Variants in LTBP4 observed in about 807,000 individuals in gnomAD.
LTBP4 encodes the protein latent transforming growth factor beta binding protein 4, also known as latent-transforming growth factor beta-binding protein 4.
Under a neutral mutation model 180.2 loss-of-function variants are expected in LTBP4, and 93 were observed. The observed-to-expected ratio is 0.52, with a 90% CI of 0.44 to 0.61. The LOEUF is 0.61. Ranked by LOEUF, LTBP4 falls within the 20% of genes least tolerant of loss-of-function variation. The pLI is 0.00. For synonymous variants in LTBP4, 947 were observed against 934.5 expected (o/e 1.01, Z -0.24); for missense variants, 2,116 against 2,256.5 (o/e 0.94, Z 1.26).
In LTBP4 at chr19:40,617,243, G is replaced by A; in HGVS notation, c.3070+18G>A. ...CTGCGTGGGTACGGGACTTCAGGAG[G>A]TGGATGGGACCAAAGGGGGTGGGGG... On this transcript the variant is annotated intron_variant, in intron 21 of 29. Transcript: ENST00000396819. The A allele has an allele frequency of 6.2e-7, 1 of 1,608,868 alleles. No homozygotes were observed. The highest frequency in any genetic ancestry group is 8.5e-7 in the Non-Finnish European group (1 of 1,176,072).
At position 40,625,287 on chromosome 19, in the gene LTBP4, TATATATATATATA is replaced by T. The variant is rs2081621389; in HGVS notation, c.3833-569_3833-557del. 3.1e-4 allele frequency among the ~76,000 whole-genome samples: 3 copies of T among 9,694 alleles called. No individual in the cohort carries two copies. The African/African-American group carries it at 4.1e-3, about 13-fold the overall frequency. The allele number at this position is 9,694 out of a possible 152,430, so 6.4% of individuals were successfully genotyped here. On this transcript the variant is annotated intron_variant, in intron 26 of 29. Transcript: ENST00000396819. The stretch of plus-strand genomic sequence containing the variant: ...ATATATATATATATATATATATATA[TATATATATATATA>T]TATATATATATATATATTTTTTTTT...
chr19:40,613,710 G>A lies in LTBP4; in HGVS notation c.2557+181G>A, dbSNP rs1458170361. On this transcript the variant is annotated intron_variant, in intron 17 of 29. Transcript: ENST00000396819. This position sits in a 1 kb window ranked among gnomAD's most constrained non-coding sequence, Gnocchi z 5.0. Reference sequence around the variant, plus strand: ...GGGGGGCGGGGCGTGGAGATGAAAGGGCCGAGTCTGGGTATTTGGACCGTG... The same window carrying A: ...GGGGGGCGGGGCGTGGAGATGAAAGAGCCGAGTCTGGGTATTTGGACCGTG... 59 of 1,221,098 alleles carry A rather than the reference G, an allele frequency of 4.8e-5. No homozygotes were observed. Among genetic ancestry groups the A allele is most frequent in the Non-Finnish European group, 6.7e-5 (58 of 866,538 alleles). The allele number at this position is 1,221,098 out of a possible 1,614,324, so 75.6% of individuals were successfully genotyped here. A position where few individuals can be genotyped will look rare whatever the true frequency, so the allele number is the denominator to read the frequency against.
chr19:40,615,189 T>TCGG, intron 19 of LTBP4: 1 of 40,504 alleles, frequency 2.5e-5, no homozygotes, highest in Admixed American at 1.8e-4. Flanking sequence ...TTTTTTTGTG[T>TCGG]CGGCGGGGGG....
At position 40,613,883 on chromosome 19, in the gene LTBP4, G is replaced by T; in HGVS notation, c.2558-33G>T. On this transcript the variant is annotated intron_variant, in intron 17 of 29. Transcript: ENST00000396819. This position sits in a 1 kb window ranked among gnomAD's most constrained non-coding sequence, Gnocchi z 5.0. ...CCTAGAATGTTAGGCGGAGCGGGAGGTGGGCCGGGCCTTCGGACGCCCTGT... is the reference window on the plus strand; with the variant it reads ...CCTAGAATGTTAGGCGGAGCGGGAGTTGGGCCGGGCCTTCGGACGCCCTGT... 1 of 1,612,848 alleles carries T rather than the reference G, an allele frequency of 6.2e-7. No homozygotes were observed. The highest frequency in any genetic ancestry group is 1.1e-5 in the South Asian group (1 of 91,026).
Position 40,605,565 on chromosome 19 carries a change from G to C in LTBP4, c.603G>C (p.Thr201=), listed in dbSNP as rs751563992. The C allele has an allele frequency of 1.2e-4, 189 of 1,605,760 alleles. 1 individual carries two copies. The highest frequency in any genetic ancestry group is 1.5e-4 in the Non-Finnish European group (175 of 1,177,062). ...AARAEAAAPY[T]VLAQSAPRED... ...GGGCGGAGGCGGCAGCGCCCTACAC[G>C]GTGTTGGCACAGAGCGCGCCGCGGG... The change falls in exon 3 of 30, where the codon ACG becomes ACC. Residue 201 remains threonine (T), a synonymous_variant. Transcript: ENST00000396819. The surrounding 1 kb of genome is among the most constrained non-coding windows in gnomAD (Gnocchi z 5.5).
At position 40,613,651 on chromosome 19, in the gene LTBP4, AG is replaced by A; in HGVS notation, c.2557+127del. ...TTAGCCGGGGTATTCCAGCAGGATC[AG>A]GGGGCAGCTGGTGGGAGTCTCGAGG... On this transcript the variant is annotated intron_variant, in intron 17 of 29. Coordinates refer to ENST00000396819, the MANE Select transcript of LTBP4 (RefSeq NM_001042545.2). This position sits in a 1 kb window ranked among gnomAD's most constrained non-coding sequence, Gnocchi z 5.0. 7.0e-7 allele frequency: 1 copy of A among 1,437,586 alleles called. No homozygotes were observed. Among genetic ancestry groups the A allele is most frequent in the Non-Finnish European group, 9.4e-7 (1 of 1,060,718 alleles). 89.1% of individuals were successfully genotyped at this position (1,437,586 alleles called of 1,614,324 possible).
rs575782281 is a variant in LTBP4, at chr19:40,612,052, A to AC, written c.2180-18dup. On this transcript the variant is annotated intron_variant, in intron 14 of 29. Transcript: ENST00000396819. ...GGAGTTGGACCACTTCTTCAAGGCC[A>AC]CCCTCTCCCCTGCCCCCCAGATGTG... 184 of 1,610,940 alleles carry AC rather than the reference A, an allele frequency of 1.1e-4. No individual in the cohort carries two copies. In the African/African-American group the frequency reaches 2.4e-3, roughly 21 times the overall value.
Position 40,619,345 on chromosome 19 carries a change from A to C in LTBP4, c.3071-2A>C. The C allele has an allele frequency of 6.2e-7, 1 of 1,613,350 alleles. No homozygotes were observed. The highest frequency in any genetic ancestry group is 8.5e-7 in the Non-Finnish European group (1 of 1,179,438). Reference sequence around the variant, plus strand: ...CTCTCCCCTGTTGTCTCCTGCTTACAGATGTGAACGAGTGTGAAACACTAC... The same window carrying C: ...CTCTCCCCTGTTGTCTCCTGCTTACCGATGTGAACGAGTGTGAAACACTAC... On this transcript the variant is annotated splice_acceptor_variant, in intron 21 of 29. Transcript: ENST00000396819. LOFTEE classifies it high-confidence loss of function.
In LTBP4 at chr19:40,607,373, G is replaced by A; in HGVS notation, c.1000G>A (p.Val334Met). 6.4e-7 allele frequency: 1 copy of A among 1,555,378 alleles called. No individual in the cohort carries two copies. The highest frequency in any genetic ancestry group is 8.7e-7 in the Non-Finnish European group (1 of 1,142,938). Reference sequence around the variant, plus strand: ...CTCCCTGCTCCTCGCAGCCCAACACGTGATCTCAGAGGCCAAAGGGCCCTG... The same window carrying A: ...CTCCCTGCTCCTCGCAGCCCAACACATGATCTCAGAGGCCAAAGGGCCCTG... Reference protein sequence around the residue: ...SSRSSCISQHVISEAKGPCFR... With the variant: ...SSRSSCISQHMISEAKGPCFR... The change falls in exon 7 of 30, where the codon GTG becomes ATG. Residue 334 changes from valine to methionine, a missense_variant. Val to Met is a conservative substitution (Grantham distance 21). This residue lies in a region of LTBP4 where 469 missense variants were observed against 532.5 expected (regional missense o/e 0.88). Transcript: ENST00000396819.
At chr19:40,599,747 T>C, upstream of LTBP4, 1 of 601,128 alleles carries the variant, frequency 1.7e-6, no homozygotes, top group Non-Finnish European at 2.9e-6. Context: ...TTCCCATCTC[T>C]GCATTATTTC....
intron 28 of LTBP4, 50 bp downstream of exon 28, chr19:40,627,405 A>T: frequency 1.4e-6 from 2 of 1,453,462 alleles, no homozygotes; most frequent in Non-Finnish European, 1.8e-6. Context: ...TGAGGTGTGC[A>T]CGGAGAGAGG....
chr19:40,610,819 T>C, intron 12 of LTBP4, 162 bp downstream of exon 12: 1 of 1,122,610 alleles, frequency 8.9e-7, no homozygotes, highest in Non-Finnish European at 1.2e-6. Context: ...GAGAGAGACC[T>C]GGGATGCAGA....
rs1197231569 is a variant in LTBP4, at chr19:40,611,869, G to A, written c.2064G>A (p.Glu688=). ...GPGAPCQDVD[E]CARSPPPCTY... is the part of the protein sequence containing the mutation. ...TCCCCTCTGCCCCAGATGTGGATGA[G>A]TGTGCCCGAAGCCCCCCACCCTGCA... The change falls in exon 14 of 30, where the codon GAG becomes GAA. Residue 688 remains glutamate, a synonymous_variant. Coordinates refer to ENST00000396819, the MANE Select transcript of LTBP4 (RefSeq NM_001042545.2). The surrounding 1 kb of genome is among the most constrained non-coding windows in gnomAD (Gnocchi z 4.4). 1.2e-6 allele frequency: 2 copies of A among 1,608,232 alleles called. No homozygotes were observed. The highest frequency in any genetic ancestry group is 1.7e-6 in the Non-Finnish European group (2 of 1,177,474).
intron 1 of LTBP4, among the ~76,000 whole-genome samples, chr19:40,604,321 T>A (rs1222166280): frequency 6.7e-6 from 1 of 149,250 alleles, no homozygotes; most frequent in Admixed American, 6.7e-5. Flanking sequence ...GCAGAGGGAG[T>A]GTGGGCGGGC....
chr19:40,624,652 G>A lies in LTBP4; in HGVS notation c.3832+570G>A, dbSNP rs149050099. The stretch of plus-strand genomic sequence containing the variant: ...GACCTCAGGTGATCCGCCTGCCTTG[G>A]CCTCCCAAAGTGCTAGGATTACAGG... On this transcript the variant is annotated intron_variant, in intron 26 of 29. Transcript: ENST00000396819. Among the ~76,000 whole-genome samples, 1,377 of 152,300 alleles carry A rather than the reference G, an allele frequency of 9.0e-3. 23 individuals carry two copies. Among genetic ancestry groups the A allele is most frequent in the African/African-American group, 0.031 (1,309 of 41,568 alleles).
At position 40,608,604 on chromosome 19, in the gene LTBP4, GT is replaced by G. The variant is rs764943054; in HGVS notation, c.1426+4del. 5.7e-6 allele frequency: 9 copies of G among 1,584,206 alleles called. No homozygotes were observed. In the Admixed American group the frequency reaches 9.1e-5, roughly 16 times the overall value. On this transcript the variant is annotated splice_donor_variant, in intron 9 of 29. Transcript: ENST00000396819. LOFTEE classifies it high-confidence loss of function. ...ACTGGTCCTGAGATTCCTGAATCAGGTTTGCTAGAAAGAACTGAGGGCATTG... is the reference window on the plus strand; with the variant it reads ...ACTGGTCCTGAGATTCCTGAATCAGGTTGCTAGAAAGAACTGAGGGCATTG...
At position 40,615,197 on chromosome 19, in the gene LTBP4, G is replaced by GC. The variant is rs1555737767; in HGVS notation, c.2812+751_2812+752insC. 2 of 146,038 alleles carry GC rather than the reference G, an allele frequency of 1.4e-5. 1 individual carries two copies. Among genetic ancestry groups the GC allele is most frequent in the African/African-American group, 5.2e-5 (2 of 38,464 alleles). The allele number at this position is 146,038 out of a possible 1,614,324, so 9.0% of individuals were successfully genotyped here. ...GTATATATTTTTTTGTGTCGGCGGG[G>GC]GGGGGGGGGCGGTGATGGTGTGTGA... On this transcript the variant is annotated intron_variant, in intron 19 of 29. Transcript: ENST00000396819.
At position 40,624,006 on chromosome 19, in the gene LTBP4, T is replaced by C. The variant is rs765443101; in HGVS notation, c.3756T>C (p.Tyr1252=). ...GGRCVNTVGS[Y]HCTCEPPLVL... ...GCTGTGTCAACACTGTGGGCTCTTATCACTGTACCTGCGAGCCCCCACTGG... is the reference window on the plus strand; with the variant it reads ...GCTGTGTCAACACTGTGGGCTCTTACCACTGTACCTGCGAGCCCCCACTGG... Residue 1252 remains tyrosine (Y), a synonymous_variant, in exon 26 of 30, where the codon TAT becomes TAC. Coordinates refer to ENST00000396819, the MANE Select transcript of LTBP4 (RefSeq NM_001042545.2). 5.0e-6 allele frequency: 8 copies of C among 1,612,444 alleles called. No homozygotes were observed. Among genetic ancestry groups the C allele is most frequent in the Admixed American group, 3.3e-5 (2 of 59,884 alleles).
chr19:40,623,112 C>G, intron 24 of LTBP4, 91 bp downstream of exon 24: 1 of 911,392 alleles, frequency 1.1e-6, no homozygotes, highest in East Asian at 2.8e-5. Context: ...CTCACCCTTT[C>G]TGTTTCTCTG....
Sources: allele counts gnomAD v4.1 joint callset (sites outside exome capture counted in the v4.1 genomes callset), GRCh38; gene constraint gnomAD v4.1.1; regional missense constraint gnomAD v4.1.1; non-coding constraint Gnocchi (gnomAD v3.1); transcripts MANE v1.5; gene names NCBI Gene and HGNC (gene_info 2026-07-23, HGNC 2026-07-21).